The following UTY variants were observed in gnomAD, a reference collection of about 807,000 sequenced individuals.
UTY encodes the protein histone demethylase UTY.
Under a neutral mutation model 32.5 loss-of-function variants are expected in UTY, and 12 were observed. The ratio of observed to expected loss-of-function variants is 0.37; its 90% CI spans 0.24 to 0.60. The LOEUF (loss-of-function observed/expected upper bound fraction) is 0.60, where lower values mean the gene tolerates loss of function less well. Among genes scored for constraint, UTY ranks in the 20% least tolerant of loss-of-function variants. The pLI is 0.69. For synonymous variants in UTY, 131 were observed against 103.4 expected (o/e 1.27, Z -1.62); for missense variants, 303 against 299.2 (o/e 1.01, Z -0.09).
chrY:13,416,862 G>A (rs2071738529), intron 4 of UTY, among the ~76,000 whole-genome samples: 1 of 34,017 alleles, frequency 2.9e-5, no homozygotes, highest in East Asian at 7.6e-4. Context: ...CAGAGCAGAT[G>A]TCAACCAGTC....
At chrY:13,257,257 C>T (rs1603252613) in intron 28 of UTY, among the ~76,000 whole-genome samples, 1 of 33,650 alleles carries the variant, frequency 3.0e-5, no homozygotes, top group African/African-American at 1.2e-4. Flanking sequence ...CAGTGTTTTG[C>T]GGTGATGGGC....
chrY:13,270,104 T>C (rs2056202082), intron 27 of UTY, among the ~76,000 whole-genome samples: 2 of 33,876 alleles, frequency 5.9e-5, no homozygotes, highest in Non-Finnish European at 1.5e-4. Context: ...GGCTTCTGCA[T>C]TGAAAGAAAA....
At chrY:13,372,170 C>G in intron 8 of UTY, among the ~76,000 whole-genome samples, 1 of 33,181 alleles carries the variant, frequency 3.0e-5, no homozygotes, top group South Asian at 6.5e-4. Context: ...GGGCCAAAAA[C>G]AGCCAAATAA....
intron 17 of UTY, 25 bp from the exon 18 acceptor site, chrY:13,336,360 A>G (rs772864751): frequency 2.7e-6 from 1 of 370,207 alleles, no homozygotes; most frequent in Admixed American, 7.8e-5. Flanking sequence ...TTGAAATTTA[A>G]TATCATGGGA....
At chrY:13,317,889 G>A (rs2059580105) in intron 21 of UTY, among the ~76,000 whole-genome samples, 1 of 32,399 alleles carries the variant, frequency 3.1e-5, no homozygotes, top group South Asian at 6.8e-4. Context: ...AGCCGGGCAC[G>A]ATGGCTCACA....
rs745581368 is a variant in UTY at position 13,251,123 on chromosome Y, T to A, written c.4202A>T (p.His1401Leu). The change falls in exon 29 of 30, where the codon CAT becomes CTT. Residue 1401 changes from histidine (H) to leucine (L), a missense_variant. Physicochemically the swap from His to Leu is moderately conservative, Grantham distance 99 (BLOSUM62 -3). Transcript: ENST00000545955. Reference protein sequence around the residue: ...ESNTQKTYIVHCHDCARKTSK... With the variant: ...ESNTQKTYIVLCHDCARKTSK... ...TGTTTTTCGTGCACAATCATGGCAATGTACTATGTAGGTTTTTTGAGTATT... is the reference window on the plus strand; with the variant it reads ...TGTTTTTCGTGCACAATCATGGCAAAGTACTATGTAGGTTTTTTGAGTATT... The A allele has an allele frequency of 7.5e-6, 3 of 398,014 alleles. No individual in the cohort carries two copies. The Admixed American group carries it at 2.2e-4, about 30-fold the overall frequency.
At chrY:13,367,495 A>T in intron 9 of UTY, among the ~76,000 whole-genome samples, 1 of 33,653 alleles carries the variant, frequency 3.0e-5, no homozygotes, top group African/African-American at 1.2e-4. Context: ...TCAAATCAAA[A>T]ACAGTCTGTC....
intron 8 of UTY, among the ~76,000 whole-genome samples, chrY:13,385,481 G>C: frequency 3.0e-5 from 1 of 33,010 alleles, no homozygotes; most frequent in African/African-American, 1.2e-4. Flanking sequence ...CGAGACTGAA[G>C]GGCAGCGATC....
At chrY:13,350,749 C>T (rs1603429209) in intron 17 of UTY, among the ~76,000 whole-genome samples, 1 of 33,001 alleles carries the variant, frequency 3.0e-5, no homozygotes, top group East Asian at 8.1e-4. Context: ...GACCCCTGAC[C>T]TAACTGGTTA....
At chrY:13,291,615 TGAC>T (rs2057762607) in intron 27 of UTY, among the ~76,000 whole-genome samples, 2 of 32,748 alleles carry the variant, frequency 6.1e-5, no homozygotes, top group South Asian at 1.4e-3. Flanking sequence ...AATACCAGGG[TGAC>T]GGGTTGACAG....
chrY:13,375,758 T>C (rs766071410), intron 8 of UTY, among the ~76,000 whole-genome samples: 272 of 33,912 alleles, frequency 8.0e-3, no homozygotes, highest in African/African-American at 0.028. Flanking sequence ...GTTTCCATTA[T>C]GCAGCAGTTA....
At chrY:13,408,721 G>A (rs2070419463) in intron 6 of UTY, among the ~76,000 whole-genome samples, 1 of 32,279 alleles carries the variant, frequency 3.1e-5, no homozygotes, top group Non-Finnish European at 7.7e-5. Flanking sequence ...CTCAAAAATA[G>A]ACAAGAAGTA....
At chrY:13,451,589 A>G in intron 3 of UTY, among the ~76,000 whole-genome samples, 2 of 33,172 alleles carry the variant, frequency 6.0e-5, no homozygotes, top group African/African-American at 2.4e-4. Flanking sequence ...CTCCCTAATC[A>G]AAGGAAAATG....
chrY:13,315,417 T>A (rs2059429534), intron 21 of UTY, among the ~76,000 whole-genome samples: 1 of 33,670 alleles, frequency 3.0e-5, no homozygotes, highest in South Asian at 6.6e-4. Context: ...GAGACCAACT[T>A]GACCAACGTG....
chrY:13,343,442 C>A (rs2061634312), intron 17 of UTY, among the ~76,000 whole-genome samples: 1 of 32,888 alleles, frequency 3.0e-5, no homozygotes, highest in Non-Finnish European at 7.5e-5. Flanking sequence ...TCTAGATCCA[C>A]GCACACTGCT....
chrY:13,244,728 T>G, downstream of UTY, among the ~76,000 whole-genome samples: 1 of 33,364 alleles, frequency 3.0e-5, no homozygotes, highest in Non-Finnish European at 7.4e-5. Context: ...CAAGCATATT[T>G]ATGTAGATAT....
chrY:13,457,442 TA>T (rs2076878897), intron 3 of UTY, among the ~76,000 whole-genome samples: 1 of 33,138 alleles, frequency 3.0e-5, no homozygotes, highest in Non-Finnish European at 7.5e-5. Flanking sequence ...TTACATGAAT[TA>T]AAAGAATTAC....
At chrY:13,412,124 T>C (rs2071037705) in intron 5 of UTY, among the ~76,000 whole-genome samples, 1 of 34,046 alleles carries the variant, frequency 2.9e-5, no homozygotes, top group African/African-American at 1.1e-4. Flanking sequence ...ACAGTGAGTG[T>C]ATTTTGAATA....
rs1603267302 is a variant in UTY at position 13,264,046 on chromosome Y, G to A, written c.4011-3642C>T. ...GCAGTGTTTGGTTTTCTGTTCTTGT[G>A]TTAGTTTGCTGAGAATGATGGTTCC... is the stretch of plus-strand genomic sequence containing the variant. On this transcript the variant is annotated intron_variant, in intron 27 of 29. Coordinates refer to ENST00000545955, the MANE Select transcript of UTY (RefSeq NM_001258249.2). Among the ~76,000 whole-genome samples the A allele has an allele frequency of 1.5e-4, 5 of 34,045 alleles. No individual in the cohort carries two copies. In the East Asian group the frequency reaches 2.3e-3, roughly 16 times the overall value. The allele number at this position is 34,045 out of a possible 37,273, so 91.3% of individuals were successfully genotyped here.
Sources: allele counts gnomAD v4.1 joint callset (sites outside exome capture counted in the v4.1 genomes callset), GRCh38; gene constraint gnomAD v4.1.1; transcripts MANE v1.5; gene names NCBI Gene and HGNC (gene_info 2026-07-23, HGNC 2026-07-21).